The following ROBO2 variants were observed in gnomAD, a reference collection of about 807,000 sequenced individuals.
ROBO2 encodes the protein roundabout homolog 2.
A neutral mutation model predicts 160.8 loss-of-function variants in ROBO2; 53 were observed. The observed-to-expected ratio is 0.33, with a 90% CI of 0.26 to 0.41. The LOEUF is 0.41. ROBO2 is among the 10% of genes least tolerant of loss of function. The pLI is 1.00. For missense variants in ROBO2, 1,577 were observed against 1,722.4 expected (o/e 0.92, Z 1.49); for synonymous variants, 664 against 611.7 (o/e 1.09, Z -1.26).
At position 76,223,593 on chromosome 3, in the gene ROBO2, G is replaced by A. The variant is rs145604983; in HGVS notation, c.109+285991G>A. Among the ~76,000 whole-genome samples the A allele has an allele frequency of 5.8e-4, 89 of 152,212 alleles. 2 individuals carry two copies. The highest frequency in any genetic ancestry group is 2.0e-3 in the African/African-American group (85 of 41,540). On this transcript the variant is annotated intron_variant, in intron 2 of 26. Coordinates refer to the ROBO2 transcript ENST00000487694. ...AGGTTTCAGTTTTTCCCCAATCGGT[G>A]CCCTCATTTTAACAGTACACATCCT... is the stretch of plus-strand genomic sequence containing the variant.
At chr3:76,168,916 G>A (rs2072933105) in intron 2 of ROBO2, among the ~76,000 whole-genome samples, 1 of 151,398 alleles carries the variant, frequency 6.6e-6, no homozygotes, top group Non-Finnish European at 1.5e-5. Context: ...GTATAAATTT[G>A]TGTCTTTGTT....
At chr3:76,129,110 T>A (rs931669360) in intron 2 of ROBO2, among the ~76,000 whole-genome samples, 4 of 151,772 alleles carry the variant, frequency 2.6e-5, no homozygotes, top group African/African-American at 9.7e-5. Flanking sequence ...TCACTAAAGT[T>A]TGGAACTGTG....
At chr3:76,113,580 A>G (rs759750833) in intron 2 of ROBO2, among the ~76,000 whole-genome samples, 2 of 152,156 alleles carry the variant, frequency 1.3e-5, no homozygotes, top group Non-Finnish European at 2.9e-5. Flanking sequence ...TCATAGGAAT[A>G]TCGGAGTACT....
chr3:76,462,668 G>A (rs111306993), intron 2 of ROBO2, among the ~76,000 whole-genome samples: 4 of 151,688 alleles, frequency 2.6e-5, no homozygotes, highest in African/African-American at 9.7e-5. Flanking sequence ...ATCACAGGGA[G>A]TAAGAGGAAA....
intron 1 of ROBO2, among the ~76,000 whole-genome samples, chr3:77,070,549 G>A (rs978958000): frequency 3.3e-5 from 5 of 152,054 alleles, no homozygotes; most frequent in Non-Finnish European, 5.9e-5. Context: ...AAGGTCATAC[G>A]ATGGCATTGT....
chr3:76,055,489 C>A (rs769854165), intron 2 of ROBO2, among the ~76,000 whole-genome samples: 3 of 152,144 alleles, frequency 2.0e-5, no homozygotes, highest in East Asian at 1.9e-4. Flanking sequence ...AACCCTCATT[C>A]CCCTGTCGCC....
chr3:75,917,427 C>T (rs1391572887), intron 1 of ROBO2, among the ~76,000 whole-genome samples: 9 of 152,236 alleles, frequency 5.9e-5, no homozygotes, highest in South Asian at 2.1e-4. Context: ...TTTCTTCATC[C>T]GGTCTATCAT....
intron 2 of ROBO2, among the ~76,000 whole-genome samples, chr3:76,077,419 C>T (rs1053367351): frequency 2.6e-5 from 4 of 151,880 alleles, no homozygotes; most frequent in African/African-American, 4.8e-5. Context: ...AAAAATTAGC[C>T]GTGTGTGGTG....
chr3:76,289,258 AT>A (rs1708684412), intron 2 of ROBO2, among the ~76,000 whole-genome samples: 1 of 152,022 alleles, frequency 6.6e-6, no homozygotes, highest in Non-Finnish European at 1.5e-5. Context: ...AATGTTGGGC[AT>A]TTTTTCATAT....
intron 2 of ROBO2, among the ~76,000 whole-genome samples, chr3:77,202,938 C>G (rs1042595047): frequency 1.3e-5 from 2 of 152,174 alleles, no homozygotes; most frequent in African/African-American, 4.8e-5. Context: ...ACTTTTCCAG[C>G]AGAGATGCCC....
chr3:75,964,455 T>G (rs1392904039), intron 2 of ROBO2, among the ~76,000 whole-genome samples: 1 of 151,684 alleles, frequency 6.6e-6, no homozygotes, highest in Non-Finnish European at 1.5e-5. Flanking sequence ...CTGACTATGG[T>G]TCACAAAAAA....
intron 2 of ROBO2, among the ~76,000 whole-genome samples, chr3:75,986,319 T>C (rs2065413840): frequency 6.6e-6 from 1 of 151,746 alleles, no homozygotes; most frequent in African/African-American, 2.4e-5. Flanking sequence ...TTTATGTACT[T>C]ATTGACCATT....
chr3:76,844,796 T>C (rs1013704963), intron 2 of ROBO2, among the ~76,000 whole-genome samples: 1 of 151,936 alleles, frequency 6.6e-6, no homozygotes, highest in African/African-American at 2.4e-5. Context: ...GAAGAAAGAA[T>C]AAAAACCTAG....
intron 2 of ROBO2, among the ~76,000 whole-genome samples, chr3:76,570,995 T>G (rs939382854): frequency 1.3e-5 from 2 of 152,142 alleles, no homozygotes; most frequent in African/African-American, 4.8e-5. Context: ...ACTTATGTAA[T>G]GAAGATTAAA....
At chr3:76,934,958 A>ATTTT (rs151316771) in intron 2 of ROBO2, among the ~76,000 whole-genome samples, 4,607 of 146,744 alleles carry the variant, frequency 0.031, 250 homozygotes, top group African/African-American at 0.1. Context: ...AGGCTTCACA[A>ATTTT]ATTTTTTTTT....
chr3:76,307,665 C>T (rs940396804), intron 2 of ROBO2, among the ~76,000 whole-genome samples: 4 of 151,932 alleles, frequency 2.6e-5, no homozygotes, highest in African/African-American at 4.8e-5. Flanking sequence ...AAGATCCATG[C>T]GCCCGACTCA....
intron 2 of ROBO2, among the ~76,000 whole-genome samples, chr3:76,193,029 C>T (rs1447483270): frequency 6.6e-6 from 1 of 152,008 alleles, no homozygotes; most frequent in Non-Finnish European, 1.5e-5. Flanking sequence ...GCATTTAACA[C>T]TGAGGGTCAT....
chr3:77,100,350 T>C (rs544796401), intron 2 of ROBO2, among the ~76,000 whole-genome samples: 13 of 152,262 alleles, frequency 8.5e-5, no homozygotes, highest in African/African-American at 2.9e-4. Context: ...CATCACAAGG[T>C]CAAATAATAT....
At position 76,439,150 on chromosome 3, in the gene ROBO2, T is replaced by C. The variant is rs576098171; in HGVS notation, c.109+501548T>C. The stretch of plus-strand genomic sequence containing the variant: ...TTCACTTATCCACTTACTCATCTAG[T>C]AAATATGTATTCAATGCCAACTGCA... On this transcript the variant is annotated intron_variant, in intron 2 of 26. Transcript: ENST00000487694. Among the ~76,000 whole-genome samples the C allele has an allele frequency of 1.3e-3, 192 of 152,282 alleles. 2 individuals are homozygous for C. Among genetic ancestry groups the C allele is most frequent in the Non-Finnish European group, 2.2e-3 (147 of 68,022 alleles).
Sources: allele counts gnomAD v4.1 joint callset (sites outside exome capture counted in the v4.1 genomes callset), GRCh38; gene constraint gnomAD v4.1.1; transcripts MANE v1.5; gene names NCBI Gene and HGNC (gene_info 2026-07-23, HGNC 2026-07-21).